GALNTL6: variants seen among roughly 807,000 people sequenced by gnomAD.
GALNTL6 encodes the protein polypeptide N-acetylgalactosaminyltransferase like 6, also known as polypeptide N-acetylgalactosaminyltransferase-like 6.
GALNTL6 carries 46 observed loss-of-function variants against 73.7 expected under a neutral mutation model. That is an observed-to-expected ratio of 0.62 (90% CI 0.49 to 0.80). The LOEUF (loss-of-function observed/expected upper bound fraction) is 0.80. Among genes scored for constraint, GALNTL6 ranks in the 30% least tolerant of loss-of-function variants. The pLI is 0.00. For synonymous variants in GALNTL6, 259 were observed against 263.7 expected, an observed-to-expected ratio of 0.98 and a Z score of 0.17; for missense variants, 604 against 755.0, an observed-to-expected ratio of 0.80 and a Z score of 2.34.
intron 5 of GALNTL6, among the ~76,000 whole-genome samples, chr4:172,519,176 C>T (rs1261286985): frequency 6.7e-6 from 1 of 150,108 alleles, no homozygotes; most frequent in Admixed American, 6.7e-5. Flanking sequence ...AATATAAATA[C>T]AAGTAATGTA....
chr4:172,665,948 C>A (rs1366490132), intron 5 of GALNTL6, among the ~76,000 whole-genome samples: 2 of 152,044 alleles, frequency 1.3e-5, no homozygotes, highest in Non-Finnish European at 2.9e-5. Context: ...AACTTTTTTA[C>A]CTCTGTCCCC....
At chr4:171,954,948 GC>G (rs1484933555) in intron 2 of GALNTL6, among the ~76,000 whole-genome samples, 27 of 152,262 alleles carry the variant, frequency 1.8e-4, no homozygotes, top group African/African-American at 6.3e-4. Context: ...GGCCTCCCCA[GC>G]CCTGCTTCCT....
intron 2 of GALNTL6, among the ~76,000 whole-genome samples, chr4:171,984,484 C>T (rs1740005884): frequency 6.6e-6 from 1 of 152,020 alleles, no homozygotes; most frequent in African/African-American, 2.4e-5. Context: ...GTAGAGGTGG[C>T]CCAAAACTCT....
At chr4:172,158,775 A>G (rs948657594) in intron 2 of GALNTL6, among the ~76,000 whole-genome samples, 4 of 152,146 alleles carry the variant, frequency 2.6e-5, no homozygotes, top group African/African-American at 7.2e-5. Flanking sequence ...TTTATGAGCA[A>G]TTTTTTTCAA....
intron 2 of GALNTL6, among the ~76,000 whole-genome samples, chr4:171,861,118 A>G (rs1735819936): frequency 6.6e-6 from 1 of 152,182 alleles, no homozygotes; most frequent in Non-Finnish European, 1.5e-5. Flanking sequence ...TTAAAACTGC[A>G]GTCTAAGCCT....
At position 172,738,254 on chromosome 4, in the gene GALNTL6, T is replaced by C. The variant is rs139435017; in HGVS notation, c.554-71107T>C. On this transcript the variant is annotated intron_variant, in intron 5 of 12. Coordinates refer to ENST00000506823, the MANE Select transcript of GALNTL6 (RefSeq NM_001034845.3). The stretch of plus-strand genomic sequence containing the variant: ...ACAGGTGGTGCCTGGGCAGAATTAG[T>C]TGGAGGGGTGTCATCCTTGTGAATG... Among the ~76,000 whole-genome samples the C allele has an allele frequency of 3.3e-3, 502 of 152,284 alleles. 5 individuals are homozygous for C. Among genetic ancestry groups the C allele is most frequent in the African/African-American group, 0.012 (480 of 41,562 alleles).
chr4:172,144,387 T>C (rs998584299), intron 2 of GALNTL6, among the ~76,000 whole-genome samples: 16 of 152,356 alleles, frequency 1.1e-4, no homozygotes, highest in African/African-American at 3.6e-4. Context: ...TCTACTACTA[T>C]GTAACTCTGA....
intron 7 of GALNTL6, among the ~76,000 whole-genome samples, chr4:172,828,214 G>A (rs1215336179): frequency 6.8e-6 from 1 of 146,754 alleles, no homozygotes; most frequent in African/African-American, 2.5e-5. Context: ...AGAGGTTGCA[G>A]TCAGCCAAGA....
At chr4:172,747,326 CAAAT>C (rs1383878999) in intron 5 of GALNTL6, among the ~76,000 whole-genome samples, 1 of 151,892 alleles carries the variant, frequency 6.6e-6, no homozygotes, top group Non-Finnish European at 1.5e-5. Flanking sequence ...GACAAGAAAA[CAAAT>C]AACCCCATTA....
chr4:172,284,165 TA>T (rs1739168198), intron 3 of GALNTL6, among the ~76,000 whole-genome samples: 1 of 152,060 alleles, frequency 6.6e-6, no homozygotes, highest in Non-Finnish European at 1.5e-5. Context: ...ATTATTGAGG[TA>T]AAAATAGAAA....
rs115991908 is a variant in GALNTL6, at chr4:171,922,780, T to C, written c.138+108062T>C. 3.2e-3 allele frequency among the ~76,000 whole-genome samples: 486 copies of C among 152,252 alleles called. 1 individual carries two copies. The highest frequency in any genetic ancestry group is 6.0e-3 in the Non-Finnish European group (407 of 67,976). On this transcript the variant is annotated intron_variant, in intron 2 of 12. Coordinates refer to ENST00000506823, the MANE Select transcript of GALNTL6 (RefSeq NM_001034845.3). ...TAGTATTTATTTTCCTGATTTGAAA[T>C]TTATTTTTATTAACTGCTGATTACA...
intron 8 of GALNTL6, among the ~76,000 whole-genome samples, chr4:172,888,086 A>G (rs1329450717): frequency 6.6e-6 from 1 of 152,190 alleles, no homozygotes; most frequent in Non-Finnish European, 1.5e-5. Flanking sequence ...TCGAGATATT[A>G]GACCTTTGTC....
chr4:171,986,205 G>A (rs978359149), intron 2 of GALNTL6, among the ~76,000 whole-genome samples: 2 of 151,920 alleles, frequency 1.3e-5, no homozygotes, highest in African/African-American at 4.8e-5. Flanking sequence ...CGAAAAGAGA[G>A]TCAGAGAAAG....
chr4:172,950,387 A>G (rs1355870943), intron 9 of GALNTL6, among the ~76,000 whole-genome samples: 1 of 150,096 alleles, frequency 6.7e-6, no homozygotes, highest in Non-Finnish European at 1.5e-5. Flanking sequence ...CACCTTAGAA[A>G]GAAAGGAACA....
intron 5 of GALNTL6, among the ~76,000 whole-genome samples, chr4:172,579,312 T>C (rs1453315693): frequency 6.6e-6 from 1 of 152,238 alleles, no homozygotes; most frequent in East Asian, 1.9e-4. Context: ...ATTTTTGCCC[T>C]GCATTTCTAG....
chr4:172,606,393 G>A (rs1423148978), intron 5 of GALNTL6, among the ~76,000 whole-genome samples: 1 of 149,946 alleles, frequency 6.7e-6, no homozygotes, highest in Non-Finnish European at 1.5e-5. Context: ...GGCAGAGGTT[G>A]TGGTGAGCCA....
chr4:172,379,653 A>AAAAATAAAATAAAATAAAAT (rs76730414), intron 5 of GALNTL6, among the ~76,000 whole-genome samples: 15 of 150,714 alleles, frequency 1.0e-4, no homozygotes, highest in African/African-American at 3.2e-4. Flanking sequence ...CCCCCCTGAA[A>AAAAATAAAATAAAATAAAAT]AAAATAAAAT....
In GALNTL6 at chr4:172,595,984, A is replaced by C. The variant is rs549304850; in HGVS notation, c.554-213377A>C. Among the ~76,000 whole-genome samples, 4 of 152,242 alleles carry C rather than the reference A, an allele frequency of 2.6e-5. No homozygotes were observed. In the East Asian group the frequency reaches 7.7e-4, roughly 29 times the overall value. ...AAAATAAGCATATAAACTTATATAAAACATATACATATATAAAAACATATA... is the reference window on the plus strand; with the variant it reads ...AAAATAAGCATATAAACTTATATAACACATATACATATATAAAAACATATA... On this transcript the variant is annotated intron_variant, in intron 5 of 12. Coordinates refer to ENST00000506823, the MANE Select transcript of GALNTL6 (RefSeq NM_001034845.3).
At chr4:172,791,903 G>T (rs1207477385) in intron 5 of GALNTL6, among the ~76,000 whole-genome samples, 1 of 152,184 alleles carries the variant, frequency 6.6e-6, no homozygotes, top group Admixed American at 6.5e-5. Context: ...ATTCTGCTCT[G>T]CTGATGCCTA....
Sources: allele counts gnomAD v4.1 joint callset (sites outside exome capture counted in the v4.1 genomes callset), GRCh38; gene constraint gnomAD v4.1.1; transcripts MANE v1.5; gene names NCBI Gene and HGNC (gene_info 2026-07-23, HGNC 2026-07-21).